Variants in UTRN observed in about 807,000 individuals in gnomAD.
The protein encoded by UTRN is utrophin.
Under a neutral mutation model 463.9 loss-of-function variants are expected in UTRN, and 283 were observed. The observed-to-expected ratio is 0.61, with a 90% CI of 0.55 to 0.67. The LOEUF (loss-of-function observed/expected upper bound fraction) is 0.67, where lower values mean the gene tolerates loss of function less well. Ranked by LOEUF, UTRN falls within the 30% of genes least tolerant of loss-of-function variation. The probability of loss-of-function intolerance (pLI) is 0.00; values close to 1 mark genes in which losing one functional copy is unlikely to be tolerated. For synonymous variants in UTRN, 1,442 were observed against 1,431.5 expected (o/e 1.01, Z -0.17); for missense variants, 3,922 against 4,084.3 (o/e 0.96, Z 1.08).
intron 2 of UTRN, among the ~76,000 whole-genome samples, chr6:144,385,733 G>C (rs951921619): frequency 6.6e-6 from 1 of 151,158 alleles, no homozygotes; most frequent in Admixed American, 6.6e-5. Flanking sequence ...TTTTGAGACG[G>C]AGTCTTGCTC....
intron 51 of UTRN, among the ~76,000 whole-genome samples, chr6:144,653,942 A>G (rs1368359054): frequency 1.3e-5 from 2 of 152,240 alleles, no homozygotes; most frequent in Non-Finnish European, 2.9e-5. Context: ...TTTCCATGAA[A>G]GGTGCATAAT....
chr6:144,767,113 T>G (rs918580982), intron 58 of UTRN, among the ~76,000 whole-genome samples: 2 of 152,094 alleles, frequency 1.3e-5, no homozygotes, highest in African/African-American at 4.8e-5. Flanking sequence ...GGGAGAGAGA[T>G]AGCAGTAGTG....
intron 17 of UTRN, among the ~76,000 whole-genome samples, chr6:144,450,678 A>G (rs950618219): frequency 5.3e-5 from 8 of 152,236 alleles, no homozygotes; most frequent in African/African-American, 1.4e-4. Context: ...CAATCATTAC[A>G]TATTGAACAA....
intron 66 of UTRN, among the ~76,000 whole-genome samples, chr6:144,822,125 A>G (rs1288353416): frequency 6.6e-6 from 1 of 152,134 alleles, no homozygotes; most frequent in East Asian, 1.9e-4. Flanking sequence ...AAGTAGTAAT[A>G]TTTTAGTGCT....
chr6:144,630,573 C>T (rs4895647), intron 51 of UTRN, among the ~76,000 whole-genome samples: 1 of 151,938 alleles, frequency 6.6e-6, no homozygotes, highest in Admixed American at 6.5e-5. Context: ...ACCTTTCCCC[C>T]TGATTCAGTT....
intron 2 of UTRN, among the ~76,000 whole-genome samples, chr6:144,360,362 G>A (rs1302846502): frequency 4.6e-5 from 7 of 151,844 alleles, no homozygotes; most frequent in Admixed American, 2.0e-4. Flanking sequence ...TAGTAGAAAC[G>A]GGGTTTCACC....
At chr6:144,434,980 C>G (rs544609359) in intron 9 of UTRN, among the ~76,000 whole-genome samples, 3 of 152,118 alleles carry the variant, frequency 2.0e-5, no homozygotes, top group Non-Finnish European at 1.5e-5. Flanking sequence ...ATATGGTCAC[C>G]CTGAAGATGA....
At chr6:144,447,462 C>A in intron 15 of UTRN, 140 bp from the exon 16 acceptor site, 2 of 1,260,868 alleles carry the variant, frequency 1.6e-6, no homozygotes, top group Non-Finnish European at 2.2e-6. Flanking sequence ...TCTGGAACCA[C>A]GAGTCTTACC....
chr6:144,732,245 TATATATATATATACAC>T (rs1236239499), intron 54 of UTRN, among the ~76,000 whole-genome samples: 14 of 108,384 alleles, frequency 1.3e-4, no homozygotes, highest in Admixed American at 1.2e-3. Flanking sequence ...TATACATATA[TATATATATATATACAC>T]ACATATATAT....
At position 144,453,987 on chromosome 6, in the gene UTRN, G is replaced by A. The variant is rs572889921; in HGVS notation, c.2284+118G>A. Reference sequence around the variant, plus strand: ...CGAATCCTCTTTTGGCTAGATAAATGGTTTTCAAAAATGTTTTTAGGCAGC... The same window carrying A: ...CGAATCCTCTTTTGGCTAGATAAATAGTTTTCAAAAATGTTTTTAGGCAGC... On this transcript the variant is annotated intron_variant, in intron 19 of 74. Coordinates refer to ENST00000367545, the MANE Select transcript of UTRN (RefSeq NM_007124.3). 11 of 774,582 alleles carry A rather than the reference G, an allele frequency of 1.4e-5. No individual in the cohort carries two copies. In the South Asian group the frequency reaches 2.2e-4, roughly 15 times the overall value. 48.0% of individuals were successfully genotyped at this position (774,582 alleles called of 1,614,324 possible).
In UTRN at chr6:144,641,807, C is replaced by T. The variant is rs1045964510; in HGVS notation, c.7480-36599C>T. 3.3e-5 allele frequency among the ~76,000 whole-genome samples: 5 copies of T among 152,200 alleles called. No individual in the cohort carries two copies. The East Asian group carries it at 5.8e-4, about 18-fold the overall frequency. On this transcript the variant is annotated intron_variant, in intron 51 of 74. Coordinates refer to ENST00000367545, the MANE Select transcript of UTRN (RefSeq NM_007124.3). ...TATTAAGGAAAAAATACTCAAGACC[C>T]GAATAATATTGCCATGAATAAAGCG...
intron 2 of UTRN, among the ~76,000 whole-genome samples, chr6:144,387,518 C>T (rs1781521714): frequency 6.6e-6 from 1 of 152,176 alleles, no homozygotes; most frequent in Admixed American, 6.5e-5. Flanking sequence ...AATGATTCAG[C>T]TCCCTCTTCC....
intron 9 of UTRN, among the ~76,000 whole-genome samples, chr6:144,432,069 G>T (rs1211072794): frequency 6.6e-6 from 1 of 152,100 alleles, no homozygotes; most frequent in Non-Finnish European, 1.5e-5. Context: ...TGTGCCACGG[G>T]TGGTGTGCTG....
At chr6:144,298,423 C>T (rs746019014) in intron 2 of UTRN, among the ~76,000 whole-genome samples, 6 of 152,124 alleles carry the variant, frequency 3.9e-5, no homozygotes, top group African/African-American at 7.2e-5. Flanking sequence ...TTTAAACAAC[C>T]AAATACCTGA....
At chr6:144,340,303 C>T (rs1053734154) in intron 2 of UTRN, among the ~76,000 whole-genome samples, 5 of 152,068 alleles carry the variant, frequency 3.3e-5, no homozygotes, top group South Asian at 2.1e-4. Flanking sequence ...CTCTGCAGGG[C>T]GAGGTATAGT....
At chr6:144,839,068 A>G (rs1209046810) in intron 71 of UTRN, 105 bp from the exon 72 acceptor site, 2 of 816,754 alleles carry the variant, frequency 2.4e-6, no homozygotes, top group Non-Finnish European at 1.9e-6. Context: ...AGACTTCTAT[A>G]TGATTTAATT....
At position 144,828,642 on chromosome 6, in the gene UTRN, C is replaced by A. The variant is rs550582214; in HGVS notation, c.9600-148C>A. ...GATAGAAAGGTAGCTCAACATGAAA[C>A]GTTTTAGTTTTACAGTCGTGTTAGG... On this transcript the variant is annotated intron_variant, in intron 68 of 74. Coordinates refer to ENST00000367545, the MANE Select transcript of UTRN (RefSeq NM_007124.3). The A allele has an allele frequency of 1.6e-5, 12 of 741,816 alleles. No homozygotes were observed. In the South Asian group the frequency reaches 2.1e-4, roughly 13 times the overall value. The allele number at this position is 741,816 out of a possible 1,614,324, so 46.0% of individuals were successfully genotyped here. A position where few individuals can be genotyped will look rare whatever the true frequency, so the allele number is the denominator to read the frequency against.
At chr6:144,652,094 T>C (rs1778878115) in intron 51 of UTRN, among the ~76,000 whole-genome samples, 1 of 152,222 alleles carries the variant, frequency 6.6e-6, no homozygotes, top group African/African-American at 2.4e-5. Context: ...GAAATTGTAC[T>C]TTAAATTCCT....
In UTRN at chr6:144,511,089, G is replaced by A. The variant is rs765079525; in HGVS notation, c.4910G>A (p.Arg1637His). The change falls in exon 35 of 75, where the codon CGT becomes CAT. Residue 1637 changes from arginine (R) to histidine (H), a missense_variant. Coordinates refer to ENST00000367545, the MANE Select transcript of UTRN (RefSeq NM_007124.3). ...CTTAACGCTGGGTGGAGCCGAGTTC[G>A]TACCTGGACTGAAGATTGGTGCAAT... is the stretch of plus-strand genomic sequence containing the variant. Reference protein sequence around the residue: ...CVLNAGWSRVRTWTEDWCNTL... With the variant: ...CVLNAGWSRVHTWTEDWCNTL... 22 of 1,605,972 alleles carry A rather than the reference G, an allele frequency of 1.4e-5. No individual in the cohort carries two copies. Among genetic ancestry groups the A allele is most frequent in the Middle Eastern group, 1.7e-4 (1 of 6,054 alleles).
Sources: allele counts gnomAD v4.1 joint callset (sites outside exome capture counted in the v4.1 genomes callset), GRCh38; gene constraint gnomAD v4.1.1; transcripts MANE v1.5; gene names NCBI Gene and HGNC (gene_info 2026-07-23, HGNC 2026-07-21).